MAN2B2: variants seen among roughly 807,000 people sequenced by gnomAD.
The protein encoded by MAN2B2 is mannosidase alpha class 2B member 2, also known as epididymis-specific alpha-mannosidase.
In MAN2B2, 106 loss-of-function variants were observed where a neutral mutation model predicts 117.1. The observed-to-expected ratio is 0.90, with a 90% CI of 0.77 to 1.06. The LOEUF is 1.06. Ranked by LOEUF, MAN2B2 falls within the 50% of genes least tolerant of loss-of-function variation. MAN2B2 has a pLI of 0.00. For missense variants in MAN2B2, 1,326 were observed against 1,381.4 expected, an observed-to-expected ratio of 0.96 and a Z score of 0.64; for synonymous variants, 544 against 595.1, an observed-to-expected ratio of 0.91 and a Z score of 1.25.
intron 3 of MAN2B2, among the ~76,000 whole-genome samples, chr4:6,579,115 CATCACCA>C (rs1726224631): frequency 1.3e-5 from 1 of 79,112 alleles, no homozygotes; most frequent in Non-Finnish European, 2.7e-5. Flanking sequence ...CCACCATCAC[CATCACCA>C]CTACCACCAC....
intron 7 of MAN2B2, among the ~76,000 whole-genome samples, chr4:6,595,735 C>CA (rs1259987075): frequency 6.6e-6 from 1 of 152,232 alleles, no homozygotes; most frequent in African/African-American, 2.4e-5. Flanking sequence ...GAGGGGCATT[C>CA]AAACCATAAC....
At chr4:6,616,428 G>A (rs370249426) in intron 16 of MAN2B2, among the ~76,000 whole-genome samples, 7 of 152,118 alleles carry the variant, frequency 4.6e-5, no homozygotes, top group African/African-American at 1.2e-4. Flanking sequence ...AAAGAGCCCC[G>A]AATGCCCACG....
intron 12 of MAN2B2, 57 bp downstream of exon 12, chr4:6,609,355 G>A: frequency 1.3e-6 from 2 of 1,537,384 alleles, no homozygotes; most frequent in Non-Finnish European, 1.8e-6. Flanking sequence ...ACGCGTGCAG[G>A]CAGCTCAGTG....
chr4:6,577,626 C>T (rs975539277), intron 2 of MAN2B2, among the ~76,000 whole-genome samples: 3 of 152,238 alleles, frequency 2.0e-5, no homozygotes, highest in South Asian at 2.1e-4. Context: ...AGCTTGTAAG[C>T]GGCAGGTGGG....
intron 3 of MAN2B2, among the ~76,000 whole-genome samples, chr4:6,580,732 C>G (rs986828197): frequency 2.0e-5 from 3 of 152,208 alleles, no homozygotes; most frequent in African/African-American, 7.2e-5. Context: ...AGCATAGGGT[C>G]TGGCCCAGAC....
intron 8 of MAN2B2, among the ~76,000 whole-genome samples, chr4:6,597,535 A>G (rs1261433360): frequency 2.6e-5 from 4 of 152,250 alleles, no homozygotes; most frequent in African/African-American, 9.6e-5. Flanking sequence ...GTAGCAGTTT[A>G]GCAAAAGGGA....
Position 6,579,174 on chromosome 4 carries a change from CCACCAT to C in MAN2B2, c.391+688_391+693del, listed in dbSNP as rs1726253832. Among the ~76,000 whole-genome samples the C allele has an allele frequency of 1.4e-3, 114 of 79,502 alleles. 5 individuals are homozygous for C. The highest frequency in any genetic ancestry group is 2.5e-3 in the Non-Finnish European group (90 of 35,412). 52.2% of individuals were successfully genotyped at this position (79,502 alleles called of 152,430 possible). ...ACCATCACCATCACCACCACCACCA[CCACCAT>C]CACCATCACCAGCACCACCACCATC... On this transcript the variant is annotated intron_variant, in intron 3 of 18. Transcript: ENST00000285599.
chr4:6,596,992 C>T (rs1008269249), intron 7 of MAN2B2, 121 bp from the exon 8 acceptor site: 7 of 998,288 alleles, frequency 7.0e-6, no homozygotes, highest in Non-Finnish European at 1.0e-5. Flanking sequence ...GGCCTGCCTC[C>T]TTGGGTGACC....
rs148817608 is a variant in MAN2B2 at position 6,613,324 on chromosome 4, C to A, written c.2564-894C>A. ...AGGGTTCTGGCCGGACATGGTGGCT[C>A]ACACTTGTAATCCCAGCACTTCGGG... On this transcript the variant is annotated intron_variant, in intron 15 of 18. Transcript: ENST00000285599. Among the ~76,000 whole-genome samples the A allele has an allele frequency of 5.4e-3, 815 of 152,186 alleles. 8 individuals are homozygous for A. Among genetic ancestry groups the A allele is most frequent in the African/African-American group, 0.018 (757 of 41,528 alleles).
chr4:6,587,253 T>C, intron 4 of MAN2B2, 85 bp downstream of exon 4: 2 of 1,506,308 alleles, frequency 1.3e-6, no homozygotes, highest in East Asian at 2.3e-5. Context: ...AAGCTGCTGC[T>C]CTATGCCGAA....
intron 3 of MAN2B2, among the ~76,000 whole-genome samples, chr4:6,580,004 C>T (rs188389217): frequency 4.6e-5 from 7 of 152,328 alleles, no homozygotes; most frequent in Admixed American, 2.0e-4. Context: ...ACTGAAGCTC[C>T]GAGTCCACAG....
Position 6,614,793 on chromosome 4 carries a change from G to A in MAN2B2, c.2701+438G>A, listed in dbSNP as rs139735401. Among the ~76,000 whole-genome samples the A allele has an allele frequency of 7.2e-4, 110 of 152,360 alleles. No homozygotes were observed. The East Asian group carries it at 9.1e-3, about 13-fold the overall frequency. On this transcript the variant is annotated intron_variant, in intron 16 of 18. Coordinates refer to ENST00000285599, the MANE Select transcript of MAN2B2 (RefSeq NM_015274.3). ...ACTCACTCATTCAACAGCACGTCTC[G>A]TGCCAGGCTCCGGGGAATGAGCAAT...
chr4:6,617,408 C>G lies in MAN2B2; in HGVS notation c.2730C>G (p.Leu910=). 1 of 1,614,152 alleles carries G rather than the reference C, an allele frequency of 6.2e-7. No individual in the cohort carries two copies. The highest frequency in any genetic ancestry group is 8.5e-7 in the Non-Finnish European group (1 of 1,180,010). Residue 910 remains leucine (L), a synonymous_variant, in exon 17 of 19, where the codon CTC becomes CTG. Coordinates refer to ENST00000285599, the MANE Select transcript of MAN2B2 (RefSeq NM_015274.3). ...KGHRGEAQAD[L]RRVLLRLYHL... is the part of the protein sequence containing the mutation. ...ATCGAGGGGAAGCCCAGGCTGACCTCCGCCGTGTCCTGCTGCGGCTCTACC... is the reference window on the plus strand; with the variant it reads ...ATCGAGGGGAAGCCCAGGCTGACCTGCGCCGTGTCCTGCTGCGGCTCTACC...
chr4:6,593,793 G>A (rs1182299158), intron 6 of MAN2B2, among the ~76,000 whole-genome samples: 1 of 152,250 alleles, frequency 6.6e-6, no homozygotes, highest in Non-Finnish European at 1.5e-5. Flanking sequence ...TGTGTGCTGG[G>A]CACTGCCCCG....
chr4:6,587,239 T>C (rs553571785), intron 4 of MAN2B2, 71 bp downstream of exon 4: 1 of 1,545,534 alleles, frequency 6.5e-7, no homozygotes, highest in South Asian at 1.2e-5. Context: ...CAGAGCACGG[T>C]AGAAAGCTGC....
chr4:6,602,696 G>C (rs1442215009), intron 10 of MAN2B2, among the ~76,000 whole-genome samples: 1 of 138,410 alleles, frequency 7.2e-6, no homozygotes, highest in Non-Finnish European at 1.5e-5. Context: ...TTGAGACAAA[G>C]TCTCACCCTG....
chr4:6,603,472 G>A (rs762015564), intron 10 of MAN2B2, among the ~76,000 whole-genome samples: 7 of 151,692 alleles, frequency 4.6e-5, no homozygotes, highest in Non-Finnish European at 7.4e-5. Flanking sequence ...AACTGAGACC[G>A]AGGAGGAGTT....
intron 10 of MAN2B2, among the ~76,000 whole-genome samples, chr4:6,603,905 A>G (rs896006826): frequency 5.6e-4 from 85 of 152,182 alleles, no homozygotes; most frequent in African/African-American, 1.9e-3. Flanking sequence ...CGTGTACACC[A>G]TTATTGGGGG....
chr4:6,579,395 T>TCACCACCACCACCACCATCACCATCAC (rs141552652), intron 3 of MAN2B2, among the ~76,000 whole-genome samples: 1 of 39,176 alleles, frequency 2.6e-5, no homozygotes, highest in South Asian at 1.5e-3. Context: ...CCCTTCACCA[T>TCACCACCACCACCACCATCACCATCAC]CACCACCACC....
Sources: allele counts gnomAD v4.1 joint callset (sites outside exome capture counted in the v4.1 genomes callset), GRCh38; gene constraint gnomAD v4.1.1; transcripts MANE v1.5; gene names NCBI Gene and HGNC (gene_info 2026-07-23, HGNC 2026-07-21).